CORO7: variants seen among roughly 807,000 people sequenced by gnomAD.
CORO7 encodes coronin-7.
In CORO7, 107 loss-of-function variants were observed where a neutral mutation model predicts 126.6. The observed-to-expected ratio is 0.85, with a 90% CI of 0.72 to 0.99. The LOEUF is 0.99. CORO7 is among the 50% of genes least tolerant of loss of function. CORO7 has a pLI of 0.00. For missense variants in CORO7, 1,314 were observed against 1,255.8 expected (o/e 1.05, Z -0.70); for synonymous variants, 603 against 536.8 (o/e 1.12, Z -1.70).
chr16:4,357,927 C>T, intron 25 of CORO7, 41 bp downstream of exon 25: 1 of 1,573,398 alleles, frequency 6.4e-7, no homozygotes, highest in Non-Finnish European at 8.7e-7. Context: ...TTTCTCCAAC[C>T]CCCATCCCGC....
In CORO7 at chr16:4,392,700, C is replaced by G. The variant is rs777609150; in HGVS notation, c.615+2589G>C. Among the ~76,000 whole-genome samples the G allele has an allele frequency of 4.0e-4, 61 of 152,238 alleles. 1 individual carries two copies. Among genetic ancestry groups the G allele is most frequent in the Non-Finnish European group, 6.2e-4 (42 of 68,040 alleles). On this transcript the variant is annotated intron_variant, in intron 7 of 27. Coordinates refer to ENST00000251166, the MANE Select transcript of CORO7 (RefSeq NM_024535.5). ...GAAGGAGCTCCCAGAAGGCCTCTCC[C>G]TCGAGCCGGCCCCTCGGCTCACACC...
chr16:4,412,553 C>A (rs2056250948), intron 2 of CORO7, 123 bp from the exon 3 acceptor site: 2 of 981,962 alleles, frequency 2.0e-6, no homozygotes, highest in East Asian at 5.0e-5. Context: ...CTCTACCAAT[C>A]ACAAGATCAT....
chr16:4,389,217 G>A (rs535761755), intron 7 of CORO7, among the ~76,000 whole-genome samples: 1 of 152,300 alleles, frequency 6.6e-6, no homozygotes, highest in African/African-American at 2.4e-5. Flanking sequence ...AGAGCGCCAA[G>A]TAGTGCCTCT....
At chr16:4,389,201 G>A (rs1311522751) in intron 7 of CORO7, among the ~76,000 whole-genome samples, 2 of 152,276 alleles carry the variant, frequency 1.3e-5, no homozygotes, top group Middle Eastern at 3.4e-3. Context: ...TCTGGGCAAC[G>A]TCCAGAGAGC....
intron 1 of CORO7, among the ~76,000 whole-genome samples, chr16:4,413,916 T>C (rs1168251968): frequency 6.6e-6 from 1 of 150,512 alleles, no homozygotes; most frequent in East Asian, 2.0e-4. Flanking sequence ...CCAGGTGCGG[T>C]GGTTCATGCC....
At chr16:4,415,585 G>A in intron 1 of CORO7, 1 of 333,120 alleles carries the variant, frequency 3.0e-6, no homozygotes, top group Non-Finnish European at 4.3e-6. Context: ...AGTGGAAGCA[G>A]AGGAAATATA....
intron 9 of CORO7, chr16:4,380,924 C>T: frequency 6.3e-7 from 1 of 1,581,340 alleles, no homozygotes; most frequent in Non-Finnish European, 8.6e-7. Flanking sequence ...CTGCTACTGG[C>T]CCTGGGGCCT....
intron 6 of CORO7, among the ~76,000 whole-genome samples, chr16:4,400,525 C>T (rs1163431993): frequency 1.3e-5 from 2 of 152,074 alleles, no homozygotes; most frequent in Non-Finnish European, 1.5e-5. Flanking sequence ...CCCAGCTACT[C>T]GGGACGGGGA....
rs563685090 is a variant in CORO7, at chr16:4,363,944, A to C, written c.1275+332T>G. Among the ~76,000 whole-genome samples, 28 of 149,160 alleles carry C rather than the reference A, an allele frequency of 1.9e-4. No homozygotes were observed. In the South Asian group the frequency reaches 5.1e-3, roughly 27 times the overall value. ...TGAGGCAGGAGAATCACTTGAACCC[A>C]AGAGGCGGAGATTGCAGTGAGCCGA... On this transcript the variant is annotated intron_variant, in intron 14 of 27. Transcript: ENST00000251166.
chr16:4,380,151 C>A (rs987729029), intron 9 of CORO7, among the ~76,000 whole-genome samples: 3 of 152,110 alleles, frequency 2.0e-5, no homozygotes, highest in Non-Finnish European at 4.4e-5. Flanking sequence ...GTGTCCCCAC[C>A]TGAGCCCTGT....
chr16:4,356,223 G>A (rs151020649), intron 26 of CORO7, among the ~76,000 whole-genome samples: 3,791 of 152,176 alleles, frequency 0.025, 166 homozygotes, highest in African/African-American at 0.087. Context: ...AAAGTGCTGG[G>A]ATTACAGGCG....
At chr16:4,363,542 T>G (rs2054251614) in intron 14 of CORO7, among the ~76,000 whole-genome samples, 1 of 150,674 alleles carries the variant, frequency 6.6e-6, no homozygotes, top group Admixed American at 6.6e-5. Context: ...CCATCTCTAC[T>G]AAAGATACTA....
chr16:4,360,943 C>G lies in CORO7; in HGVS notation c.1917G>C (p.Gln639His). 6.2e-7 allele frequency: 1 copy of G among 1,610,804 alleles called. No homozygotes were observed. The highest frequency in any genetic ancestry group is 8.5e-7 in the Non-Finnish European group (1 of 1,179,982). Residue 639 changes from glutamine (Q) to histidine (H), a missense_variant and splice_region_variant, in exon 19 of 28, where the codon CAG (glutamine) becomes CAC (histidine). Transcript: ENST00000251166. The part of the protein sequence containing the change: ...DRLKLQGHQD[Q>H]IFSLAWSPDG... ...GGCCCCACCTCTGCAGCCGTCCTAC[C>G]TGGTCTTGGTGGCCCTGCAGCTTCA...
chr16:4,391,322 G>A (rs1449773010), intron 7 of CORO7, among the ~76,000 whole-genome samples: 8 of 152,180 alleles, frequency 5.3e-5, no homozygotes, highest in African/African-American at 9.7e-5. Flanking sequence ...TTGGGAGGCC[G>A]AGGCGGGTGG....
chr16:4,362,761 C>G lies in CORO7; in HGVS notation c.1276-23G>C. On this transcript the variant is annotated intron_variant, in intron 14 of 27. Coordinates refer to ENST00000251166, the MANE Select transcript of CORO7 (RefSeq NM_024535.5). The surrounding 1 kb of genome is among the most constrained non-coding windows in gnomAD (Gnocchi z 5.3). The stretch of plus-strand genomic sequence containing the variant: ...CTCCTGGGGAGGGGCATGGGGTCAG[C>G]CAGCCTGCTCCTAGGTGTACTGGCC... 7.4e-7 allele frequency: 1 copy of G among 1,355,766 alleles called. No individual in the cohort carries two copies. The highest frequency in any genetic ancestry group is 9.5e-7 in the Non-Finnish European group (1 of 1,049,824). The allele number at this position is 1,355,766 out of a possible 1,614,324, so 84.0% of individuals were successfully genotyped here.
chr16:4,414,190 C>CA lies in CORO7; in HGVS notation c.61-787dup, dbSNP rs61676929. ...TGGGCAACAGAGCGAGACTCCATCT[C>CA]AAAAAAAAAAAAAAAAAGAAAATGC... On this transcript the variant is annotated intron_variant, in intron 1 of 27. Transcript: ENST00000251166. The CA allele has an allele frequency of 5.0e-3, 572 of 114,810 alleles. 4 individuals are homozygous for CA. The highest frequency in any genetic ancestry group is 6.6e-3 in the African/African-American group (197 of 29,758). The allele number at this position is 114,810 out of a possible 1,614,324, so 7.1% of individuals were successfully genotyped here. A position where few individuals can be genotyped will look rare whatever the true frequency, so the allele number is the denominator to read the frequency against.
At chr16:4,377,999 T>G (rs2054809563) in intron 9 of CORO7, among the ~76,000 whole-genome samples, 1 of 152,004 alleles carries the variant, frequency 6.6e-6, no homozygotes, top group Non-Finnish European at 1.5e-5. Flanking sequence ...CAGCATCCCC[T>G]CTCCCTTCAC....
intron 9 of CORO7, among the ~76,000 whole-genome samples, chr16:4,379,519 C>T (rs957215541): frequency 7.2e-5 from 11 of 152,146 alleles, no homozygotes; most frequent in South Asian, 2.1e-4. Flanking sequence ...GGCTCTAGCT[C>T]GGACTTGCTG....
chr16:4,405,049 A>T (rs74003296), intron 6 of CORO7, among the ~76,000 whole-genome samples: 370 of 152,196 alleles, frequency 2.4e-3, no homozygotes, highest in African/African-American at 8.5e-3. Context: ...ACCAGCTCAA[A>T]GCACCATGTC....
Sources: allele counts gnomAD v4.1 joint callset (sites outside exome capture counted in the v4.1 genomes callset), GRCh38; gene constraint gnomAD v4.1.1; non-coding constraint Gnocchi (gnomAD v3.1); transcripts MANE v1.5; gene names NCBI Gene and HGNC (gene_info 2026-07-23, HGNC 2026-07-21).